RPS6KC1: variants seen among roughly 807,000 people sequenced by gnomAD.
RPS6KC1 encodes ribosomal protein S6 kinase C1.
Under a neutral mutation model 103.8 loss-of-function variants are expected in RPS6KC1, and 54 were observed. The observed-to-expected ratio is 0.52, with a 90% CI of 0.42 to 0.65. The LOEUF (loss-of-function observed/expected upper bound fraction) is 0.65. Among genes scored for constraint, RPS6KC1 ranks in the 30% least tolerant of loss-of-function variants. RPS6KC1 has a pLI of 0.00. For missense variants in RPS6KC1, 1,151 were observed against 1,253.8 expected, an observed-to-expected ratio of 0.92 and a Z score of 1.24; for synonymous variants, 439 against 438.7, an observed-to-expected ratio of 1.00 and a Z score of -0.01.
chr1:213,107,243 A>G (rs1369026921), intron 4 of RPS6KC1, among the ~76,000 whole-genome samples: 1 of 152,084 alleles, frequency 6.6e-6, no homozygotes, highest in African/African-American at 2.4e-5. Flanking sequence ...TGCCTGGCCA[A>G]CATCCAATTT....
intron 8 of RPS6KC1, among the ~76,000 whole-genome samples, chr1:213,204,679 A>G (rs949935335): frequency 7.4e-6 from 1 of 135,708 alleles, no homozygotes; most frequent in African/African-American, 2.9e-5. Flanking sequence ...GCTGGAGTGT[A>G]GTGGTATGAT....
chr1:213,564,663 G>T, the RPS6KC1 span, among the ~76,000 whole-genome samples: 4 of 152,110 alleles, frequency 2.6e-5, no homozygotes, highest in Non-Finnish European at 4.4e-5. Context: ...TTCCTCAAAG[G>T]TCTAAATTTC....
intron 3 of RPS6KC1, among the ~76,000 whole-genome samples, chr1:213,099,299 T>A (rs2081789397): frequency 6.6e-6 from 1 of 152,210 alleles, no homozygotes; most frequent in Non-Finnish European, 1.5e-5. Flanking sequence ...GTAGTAGACT[T>A]TACGCAACAT....
intron 14 of RPS6KC1, among the ~76,000 whole-genome samples, chr1:213,269,054 T>C (rs779744816): frequency 1.3e-5 from 2 of 152,188 alleles, no homozygotes; most frequent in Non-Finnish European, 2.9e-5. Flanking sequence ...TCTGTTAAGC[T>C]GGATCTTCTG....
rs1025708822 is a variant in RPS6KC1 at position 213,256,215 on chromosome 1, T to C, written c.2912-5343T>C. Among the ~76,000 whole-genome samples, 3 of 152,204 alleles carry C rather than the reference T, an allele frequency of 2.0e-5. No homozygotes were observed. In the South Asian group the frequency reaches 6.2e-4, roughly 32 times the overall value. On this transcript the variant is annotated intron_variant, in intron 12 of 14. Transcript: ENST00000366960. ...GTTAGAAAGCTGAACTAATCATATC[T>C]GAGAGGAGGCAAGAAAGAAAGTCAA...
chr1:213,153,447 A>G (rs1193828535), intron 6 of RPS6KC1, among the ~76,000 whole-genome samples: 4 of 152,220 alleles, frequency 2.6e-5, no homozygotes, highest in Non-Finnish European at 5.9e-5. Flanking sequence ...GTATAAACAG[A>G]CAAGCAAAAG....
chr1:213,054,762 A>G (rs371776126), intron 1 of RPS6KC1, among the ~76,000 whole-genome samples: 2 of 152,214 alleles, frequency 1.3e-5, no homozygotes, highest in South Asian at 4.1e-4. Flanking sequence ...AGTTGCAAGC[A>G]TACTAACAGA....
At chr1:213,144,726 A>AT (rs1407543673) in intron 6 of RPS6KC1, among the ~76,000 whole-genome samples, 2 of 152,064 alleles carry the variant, frequency 1.3e-5, no homozygotes, top group Non-Finnish European at 2.9e-5. Context: ...GCAGTGTACA[A>AT]TAGCAATATC....
chr1:213,523,186 G>A, the RPS6KC1 span, among the ~76,000 whole-genome samples: 1 of 152,246 alleles, frequency 6.6e-6, no homozygotes, highest in African/African-American at 2.4e-5. Flanking sequence ...TGGGGGAGCA[G>A]CTGGTCAGTG....
chr1:213,211,096 C>T (rs1421249269), intron 8 of RPS6KC1, among the ~76,000 whole-genome samples: 1 of 152,174 alleles, frequency 6.6e-6, no homozygotes, highest in African/African-American at 2.4e-5. Flanking sequence ...GTTTTTCTAG[C>T]AAATGCAAAT....
the RPS6KC1 span, among the ~76,000 whole-genome samples, chr1:213,421,237 G>A: frequency 2.0e-5 from 3 of 151,792 alleles, no homozygotes; most frequent in African/African-American, 7.3e-5. Context: ...CCAGCCTCCC[G>A]AGTAGCTGGG....
the RPS6KC1 span, among the ~76,000 whole-genome samples, chr1:213,680,161 T>G: frequency 6.6e-6 from 1 of 152,214 alleles, no homozygotes; most frequent in African/African-American, 2.4e-5. Context: ...GGATCATGTT[T>G]ACCCAAAGAA....
the RPS6KC1 span, among the ~76,000 whole-genome samples, chr1:213,310,765 A>G: frequency 6.6e-6 from 1 of 152,216 alleles, no homozygotes; most frequent in Admixed American, 6.5e-5. Flanking sequence ...ATGGAAATGA[A>G]TAAATTTTGT....
At chr1:213,623,891 C>T in the RPS6KC1 span, among the ~76,000 whole-genome samples, 2 of 152,178 alleles carry the variant, frequency 1.3e-5, no homozygotes, top group East Asian at 1.9e-4. Context: ...TTCCATCCAC[C>T]TGCCCGAGAT....
chr1:213,056,132 T>C (rs2077312738), intron 1 of RPS6KC1, among the ~76,000 whole-genome samples: 1 of 152,228 alleles, frequency 6.6e-6, no homozygotes, highest in Admixed American at 6.5e-5. Flanking sequence ...AGTTTTATTA[T>C]ACGTAGCTAG....
the RPS6KC1 span, among the ~76,000 whole-genome samples, chr1:213,362,166 G>A: frequency 6.6e-6 from 1 of 152,212 alleles, no homozygotes; most frequent in Admixed American, 6.5e-5. Flanking sequence ...GCACAGCAGA[G>A]AAGAGGATGG....
At chr1:213,354,813 C>T in the RPS6KC1 span, among the ~76,000 whole-genome samples, 1 of 152,208 alleles carries the variant, frequency 6.6e-6, no homozygotes, top group Non-Finnish European at 1.5e-5. Flanking sequence ...CCCTCATGAC[C>T]CAATCACCTC....
the RPS6KC1 span, among the ~76,000 whole-genome samples, chr1:213,385,536 A>C: frequency 6.6e-6 from 1 of 152,190 alleles, no homozygotes; most frequent in Admixed American, 6.5e-5. Context: ...AAAATAAAGA[A>C]GATGGTATTG....
chr1:213,568,213 C>T, the RPS6KC1 span, among the ~76,000 whole-genome samples: 1 of 152,154 alleles, frequency 6.6e-6, no homozygotes, highest in African/African-American at 2.4e-5. Context: ...CCTGGTTTGC[C>T]TAGGATAAGG....
Sources: gnomAD v4.1 joint callset for allele counts (sites outside exome capture counted in the v4.1 genomes callset) on GRCh38, gnomAD v4.1.1 for gene constraint, MANE v1.5 for transcripts, NCBI Gene and HGNC (gene_info 2026-07-23, HGNC 2026-07-21) for gene names.